Variants in OTUD7B observed in about 807,000 individuals in gnomAD.
OTUD7B encodes OTU deubiquitinase 7B.
In OTUD7B, 34 loss-of-function variants were observed where a neutral mutation model predicts 82.2. That is an observed-to-expected ratio of 0.41 (90% CI 0.31 to 0.55). The LOEUF (loss-of-function observed/expected upper bound fraction) is 0.55. Among genes scored for constraint, OTUD7B ranks in the 20% least tolerant of loss-of-function variants. The pLI is 0.20. For synonymous variants in OTUD7B, 398 were observed against 402.7 expected (o/e 0.99, Z 0.14); for missense variants, 944 against 1,062.1 (o/e 0.89, Z 1.55).
In OTUD7B at chr1:149,949,711, G is replaced by T; in HGVS notation, c.1041C>A (p.Arg347=). The change falls in exon 9 of 12, where the codon CGC becomes CGA. Residue 347 remains arginine, a synonymous_variant. Coordinates refer to ENST00000581312, the MANE Select transcript of OTUD7B (RefSeq NM_020205.4). ...PLEVPASQCH[R]SPLVLAYDQA... Reference sequence around the variant, plus strand: ...GATCATAGGCGAGCACCAGAGGGGAGCGGTGACACTGGCTGGCTGGGACCT... The same window carrying T: ...GATCATAGGCGAGCACCAGAGGGGATCGGTGACACTGGCTGGCTGGGACCT... 6.2e-7 allele frequency: 1 copy of T among 1,614,172 alleles called. No homozygotes were observed. The highest frequency in any genetic ancestry group is 8.5e-7 in the Non-Finnish European group (1 of 1,180,032).
At chr1:150,007,162 T>G (rs1652724014) in intron 1 of OTUD7B, among the ~76,000 whole-genome samples, 1 of 152,206 alleles carries the variant, frequency 6.6e-6, no homozygotes, top group Non-Finnish European at 1.5e-5. Context: ...CATTCTATAC[T>G]TTCTGTTTGG....
At chr1:149,977,967 T>C (rs1304239839) in intron 1 of OTUD7B, among the ~76,000 whole-genome samples, 8 of 152,198 alleles carry the variant, frequency 5.3e-5, no homozygotes, top group African/African-American at 1.9e-4. Flanking sequence ...TTGAATACTC[T>C]CAAATTATTT....
chr1:150,002,923 C>T (rs1033454662), intron 1 of OTUD7B, among the ~76,000 whole-genome samples: 10 of 152,256 alleles, frequency 6.6e-5, no homozygotes, highest in Non-Finnish European at 1.3e-4. Flanking sequence ...GGATGTGAAA[C>T]GTATTAAATG....
chr1:150,027,988 C>T, the OTUD7B span, among the ~76,000 whole-genome samples: 7 of 152,186 alleles, frequency 4.6e-5, no homozygotes, highest in African/African-American at 1.7e-4. Flanking sequence ...TAACATATCA[C>T]TATCTGAATC....
At chr1:150,021,303 G>A in the OTUD7B span, among the ~76,000 whole-genome samples, 2 of 152,142 alleles carry the variant, frequency 1.3e-5, no homozygotes, top group Non-Finnish European at 2.9e-5. Flanking sequence ...GGTAGGCCAG[G>A]TCTGGGCAGG....
intron 1 of OTUD7B, among the ~76,000 whole-genome samples, chr1:150,003,308 C>A (rs912365331): frequency 2.0e-5 from 3 of 151,974 alleles, no homozygotes; most frequent in Admixed American, 2.0e-4. Context: ...ACCTCTTCAG[C>A]CTGCCCTCCA....
intron 11 of OTUD7B, among the ~76,000 whole-genome samples, chr1:149,946,231 C>T (rs1390898365): frequency 3.4e-5 from 5 of 146,880 alleles, no homozygotes; most frequent in African/African-American, 1.3e-4. Context: ...GACATGGTGG[C>T]GGGCACCTGC....
the OTUD7B span, among the ~76,000 whole-genome samples, chr1:150,017,695 T>C: frequency 6.6e-6 from 1 of 152,232 alleles, no homozygotes; most frequent in Non-Finnish European, 1.5e-5. Flanking sequence ...CTCAGGCTAC[T>C]GGAAACTGAC....
At chr1:149,955,941 A>T (rs1240510735) in intron 7 of OTUD7B, among the ~76,000 whole-genome samples, 1 of 152,018 alleles carries the variant, frequency 6.6e-6, no homozygotes, top group Non-Finnish European at 1.5e-5. Flanking sequence ...TGCACCTGAG[A>T]TGGGTCTCCT....
chr1:150,040,203 C>CA, the OTUD7B span, among the ~76,000 whole-genome samples: 1 of 152,212 alleles, frequency 6.6e-6, no homozygotes, highest in Admixed American at 6.5e-5. Context: ...ATAGGGTTTT[C>CA]AGTATCTTAG....
the OTUD7B span, among the ~76,000 whole-genome samples, chr1:150,062,708 CTTTT>C: frequency 1.0e-5 from 1 of 96,054 alleles, no homozygotes; most frequent in African/African-American, 4.1e-5. Context: ...CTTCTTCTTT[CTTTT>C]TTTTTTTTTT....
chr1:150,020,408 G>C, the OTUD7B span, among the ~76,000 whole-genome samples: 22 of 152,108 alleles, frequency 1.4e-4, no homozygotes, highest in East Asian at 4.3e-3. Flanking sequence ...ATGGTGGCGC[G>C]CACCTGTAGT....
intron 7 of OTUD7B, among the ~76,000 whole-genome samples, chr1:149,950,560 T>G (rs1373708307): frequency 1.3e-5 from 2 of 152,166 alleles, no homozygotes; most frequent in African/African-American, 4.8e-5. Context: ...CACAACTGCA[T>G]AGCTTCATCC....
chr1:149,966,937 G>C (rs150432436), intron 4 of OTUD7B, among the ~76,000 whole-genome samples: 411 of 152,206 alleles, frequency 2.7e-3, no homozygotes, highest in African/African-American at 9.7e-3. Flanking sequence ...AATACATTTG[G>C]GGGGATAGGT....
At chr1:149,974,624 A>C (rs139819259) in intron 2 of OTUD7B, among the ~76,000 whole-genome samples, 40 of 132,394 alleles carry the variant, frequency 3.0e-4, no homozygotes, top group African/African-American at 1.1e-3. Flanking sequence ...ATCTCGACTC[A>C]CCGCAGTCTC....
chr1:150,065,627 A>G, the OTUD7B span, among the ~76,000 whole-genome samples: 1 of 152,220 alleles, frequency 6.6e-6, no homozygotes, highest in Non-Finnish European at 1.5e-5. Flanking sequence ...GCCTGCAACA[A>G]AACAAGTAAC....
chr1:150,052,521 C>A, the OTUD7B span, among the ~76,000 whole-genome samples: 1 of 152,020 alleles, frequency 6.6e-6, no homozygotes, highest in Admixed American at 6.6e-5. Flanking sequence ...TCAGAGAAGC[C>A]ACAAACAAAT....
intron 1 of OTUD7B, among the ~76,000 whole-genome samples, chr1:149,987,875 C>T (rs1651260569): frequency 6.6e-6 from 1 of 152,100 alleles, no homozygotes; most frequent in African/African-American, 2.4e-5. Flanking sequence ...AGTGTCTGTC[C>T]CTTCCTAGAT....
At chr1:150,055,238 C>T in the OTUD7B span, among the ~76,000 whole-genome samples, 1 of 151,974 alleles carries the variant, frequency 6.6e-6, no homozygotes, top group African/African-American at 2.4e-5. Flanking sequence ...CGGGGTTTCA[C>T]CGTGTTAGTC....
Sources: gnomAD v4.1 joint callset for allele counts (sites outside exome capture counted in the v4.1 genomes callset) on GRCh38, gnomAD v4.1.1 for gene constraint, MANE v1.5 for transcripts, NCBI Gene and HGNC (gene_info 2026-07-23, HGNC 2026-07-21) for gene names.